Variants in E2F5 observed in about 807,000 individuals in gnomAD.
E2F5 encodes E2F transcription factor 5.
E2F5 carries 23 observed loss-of-function variants against 39.1 expected under a neutral mutation model. The observed-to-expected ratio is 0.59, with a 90% CI of 0.42 to 0.83. E2F5 has a LOEUF of 0.83. Among genes scored for constraint, E2F5 ranks in the 40% least tolerant of loss-of-function variants. The pLI, the probability that E2F5 is intolerant of heterozygous loss-of-function variation, is 0.00. For synonymous variants in E2F5, 145 were observed against 157.8 expected, an observed-to-expected ratio of 0.92 and a Z score of 0.61; for missense variants, 365 against 406.7, an observed-to-expected ratio of 0.90 and a Z score of 0.88.
At chr8:85,191,902 CAA>C (rs1419078015) in intron 1 of E2F5, among the ~76,000 whole-genome samples, 1 of 152,158 alleles carries the variant, frequency 6.6e-6, no homozygotes, top group Non-Finnish European at 1.5e-5. Context: ...TCCTAGTCAG[CAA>C]GACAGTGTAT....
intron 6 of E2F5, among the ~76,000 whole-genome samples, chr8:85,211,646 T>TTG (rs1812925192): frequency 8.1e-6 from 1 of 123,036 alleles, no homozygotes; most frequent in African/African-American, 3.4e-5. Flanking sequence ...TGTTGTTGTT[T>TTG]TTTTTTTTTT....
chr8:85,191,626 A>G (rs1168653834), intron 1 of E2F5, among the ~76,000 whole-genome samples: 1 of 152,218 alleles, frequency 6.6e-6, no homozygotes, highest in Admixed American at 6.5e-5. Context: ...ACAGTTAGCA[A>G]TGGAAACTAA....
At chr8:85,187,736 A>G (rs1412394816) in intron 1 of E2F5, 1 of 152,202 alleles carries the variant, frequency 6.6e-6, no homozygotes, top group Non-Finnish European at 1.5e-5. Context: ...AAATCCATTT[A>G]ACTACTTTGC....
intron 1 of E2F5, among the ~76,000 whole-genome samples, chr8:85,182,041 TAGAA>T (rs1297520871): frequency 6.6e-6 from 1 of 151,898 alleles, no homozygotes; most frequent in African/African-American, 2.4e-5. Context: ...TAGGAAGCAA[TAGAA>T]AGACATTGAA....
chr8:85,207,133 A>C (rs770787497), intron 4 of E2F5, among the ~76,000 whole-genome samples: 8 of 152,236 alleles, frequency 5.3e-5, no homozygotes, highest in Non-Finnish European at 1.0e-4. Flanking sequence ...TAAGAATCTC[A>C]GACTTTACAG....
rs1383672641 is a variant in E2F5 at position 85,207,461 on chromosome 8, C to T, written c.587C>T (p.Thr196Ile). Reference sequence around the variant, plus strand: ...TTGGCCATTCAGGCACCTTCTGGTACACAACTGGAGGTACCCATTCCAGAA... The same window carrying T: ...TTGGCCATTCAGGCACCTTCTGGTATACAACTGGAGGTACCCATTCCAGAA... ...TLLAIQAPSG[T>I]QLEVPIPEMG... The change falls in exon 5 of 8, where the codon ACA becomes ATA. Residue 196 changes from threonine to isoleucine, a missense_variant. Physicochemically the swap from Thr to Ile is moderately conservative, Grantham distance 89. Transcript: ENST00000416274. The T allele has an allele frequency of 1.9e-6, 3 of 1,561,734 alleles. No individual in the cohort carries two copies. The highest frequency in any genetic ancestry group is 1.7e-6 in the Non-Finnish European group (2 of 1,151,776).
intron 1 of E2F5, among the ~76,000 whole-genome samples, chr8:85,178,869 A>G (rs982978156): frequency 6.6e-6 from 1 of 152,228 alleles, no homozygotes; most frequent in Non-Finnish European, 1.5e-5. Context: ...TTGGTGTTCA[A>G]TCAGTGATTG....
chr8:85,189,454 C>T (rs1812414518), intron 1 of E2F5, among the ~76,000 whole-genome samples: 1 of 152,166 alleles, frequency 6.6e-6, no homozygotes, highest in South Asian at 2.1e-4. Context: ...ACTGCAACCT[C>T]TACCACCCAG....
chr8:85,197,051 G>A (rs1482382058), intron 1 of E2F5, among the ~76,000 whole-genome samples: 1 of 152,130 alleles, frequency 6.6e-6, no homozygotes, highest in Non-Finnish European at 1.5e-5. Context: ...TTCTTTTCAA[G>A]TGGAACTGAT....
intron 6 of E2F5, among the ~76,000 whole-genome samples, chr8:85,211,306 A>C (rs1162195111): frequency 1.3e-5 from 2 of 151,978 alleles, no homozygotes; most frequent in Non-Finnish European, 1.5e-5. Context: ...AGGGAGGCCA[A>C]AGTGGGAGGA....
At chr8:85,198,440 A>G (rs1812626773) in intron 1 of E2F5, among the ~76,000 whole-genome samples, 1 of 152,038 alleles carries the variant, frequency 6.6e-6, no homozygotes, top group East Asian at 1.9e-4. Context: ...AGAGTTGTCT[A>G]TTCTAGCTTT....
chr8:85,213,542 TAAAAAA>T lies in E2F5; in HGVS notation c.932-197_932-192del, dbSNP rs536955367. 10 of 121,476 alleles carry T rather than the reference TAAAAAA, an allele frequency of 8.2e-5. No individual in the cohort carries two copies. The East Asian group carries it at 1.3e-3, about 16-fold the overall frequency. The allele number at this position is 121,476 out of a possible 1,614,324, so 7.5% of individuals were successfully genotyped here. A position where few individuals can be genotyped will look rare whatever the true frequency, so the allele number is the denominator to read the frequency against. On this transcript the variant is annotated intron_variant, in intron 7 of 7. Coordinates refer to ENST00000416274, the MANE Select transcript of E2F5 (RefSeq NM_001951.4). ...TGGACGAAACAGGGAGACTCCATCT[TAAAAAA>T]AAAAAAAAAAAAAGAAAAAATTAAC... is the stretch of plus-strand genomic sequence containing the variant.
At position 85,177,308 on chromosome 8, in the gene E2F5, C is replaced by A. The variant is rs1452546918; in HGVS notation, c.-113C>A. The A allele has an allele frequency of 3.4e-6, 3 of 886,900 alleles. No individual in the cohort carries two copies. Among genetic ancestry groups the A allele is most frequent in the African/African-American group, 1.8e-5 (1 of 55,296 alleles). 54.9% of individuals were successfully genotyped at this position (886,900 alleles called of 1,614,324 possible). On this transcript the variant is annotated 5_prime_UTR_variant, in exon 1 of 8. Coordinates refer to ENST00000416274, the MANE Select transcript of E2F5 (RefSeq NM_001951.4). Reference sequence around the variant, plus strand: ...TGCAGCAGCCAGCGACCCGCACTACCGCTCTCGGCGGGCGGGGAAGCGGCC... The same window carrying A: ...TGCAGCAGCCAGCGACCCGCACTACAGCTCTCGGCGGGCGGGGAAGCGGCC...
At position 85,209,309 on chromosome 8, in the gene E2F5, T is replaced by A. The variant is rs1454273480; in HGVS notation, c.783T>A (p.Thr261=). The A allele has an allele frequency of 7.4e-6, 12 of 1,613,932 alleles. No individual in the cohort carries two copies. Among genetic ancestry groups the A allele is most frequent in the Non-Finnish European group, 1.0e-5 (12 of 1,179,874 alleles). Residue 261 remains threonine, a synonymous_variant, in exon 6 of 8, where the codon ACT becomes ACA. Coordinates refer to ENST00000416274, the MANE Select transcript of E2F5 (RefSeq NM_001951.4). ...QPSSQSLTPV[T]PQKSSMATQN... Reference sequence around the variant, plus strand: ...CCTCCCAGTCCTTGACTCCAGTGACTCCACAGAAATCCAGCATGGCAACTC... The same window carrying A: ...CCTCCCAGTCCTTGACTCCAGTGACACCACAGAAATCCAGCATGGCAACTC...
At chr8:85,211,198 C>T (rs1587502346) in intron 6 of E2F5, among the ~76,000 whole-genome samples, 1 of 125,406 alleles carries the variant, frequency 8.0e-6, no homozygotes, top group African/African-American at 3.1e-5. Context: ...CCAACCTGGG[C>T]AATACAGTGA....
At position 85,190,564 on chromosome 8, in the gene E2F5, T is replaced by C. The variant is rs557452014; in HGVS notation, c.235-11583T>C. Among the ~76,000 whole-genome samples the C allele has an allele frequency of 7.9e-5, 10 of 127,218 alleles. No homozygotes were observed. In the South Asian group the frequency reaches 2.6e-3, roughly 33 times the overall value. The allele number at this position is 127,218 out of a possible 152,430, so 83.5% of individuals were successfully genotyped here. On this transcript the variant is annotated intron_variant, in intron 1 of 7. Coordinates refer to ENST00000416274, the MANE Select transcript of E2F5 (RefSeq NM_001951.4). ...TGTCACCCAGGTTGAAGTGCAGTGG[T>C]GTGATCTCGGCTCACTGCAACCTCC...
chr8:85,205,134 G>T (rs943420533), intron 3 of E2F5, among the ~76,000 whole-genome samples: 1 of 152,128 alleles, frequency 6.6e-6, no homozygotes, highest in African/African-American at 2.4e-5. Context: ...AGTGAGCCAA[G>T]ATCACACTAC....
intron 1 of E2F5, among the ~76,000 whole-genome samples, chr8:85,193,436 T>A (rs1812511982): frequency 3.3e-5 from 5 of 152,154 alleles, no homozygotes. Context: ...TGAGTGGAGA[T>A]CATGCCACTG....
chr8:85,180,511 CATATATATATATATATATATATAT>C lies in E2F5; in HGVS notation c.234+2878_234+2901del, dbSNP rs58188216. ...TTTAAACGCAGTTAAAGAAACTATACATATATATATATATATATATATATATATATATATATATATATATGGTTT... is the reference window on the plus strand; with the variant it reads ...TTTAAACGCAGTTAAAGAAACTATACATATATATATATATATATATGGTTT... On this transcript the variant is annotated intron_variant, in intron 1 of 7. Coordinates refer to ENST00000416274, the MANE Select transcript of E2F5 (RefSeq NM_001951.4). Among the ~76,000 whole-genome samples, 59 of 80,862 alleles carry C rather than the reference CATATATATATATATATATATATAT, an allele frequency of 7.3e-4. 2 individuals carry two copies. In the East Asian group the frequency reaches 0.013, roughly 18 times the overall value. 53.0% of individuals were successfully genotyped at this position (80,862 alleles called of 152,430 possible). A position where few individuals can be genotyped will look rare whatever the true frequency, so the allele number is the denominator to read the frequency against.
Sources: allele counts gnomAD v4.1 joint callset (sites outside exome capture counted in the v4.1 genomes callset), GRCh38; gene constraint gnomAD v4.1.1; transcripts MANE v1.5; gene names NCBI Gene and HGNC (gene_info 2026-07-23, HGNC 2026-07-21).